Variants in IDO2 observed in about 807,000 individuals in gnomAD.
IDO2 encodes indoleamine 2,3-dioxygenase-like 1 protein.
IDO2 carries 46 observed loss-of-function variants against 45.1 expected under a neutral mutation model. The observed-to-expected ratio is 1.02, with a 90% CI of 0.80 to 1.30. IDO2 has a LOEUF of 1.30. Among genes scored for constraint, IDO2 ranks in the 50% most tolerant of loss-of-function variants. IDO2 has a pLI of 0.00. For synonymous variants in IDO2, 218 were observed against 184.9 expected, an observed-to-expected ratio of 1.18 and a Z score of -1.45; for missense variants, 544 against 491.8, an observed-to-expected ratio of 1.11 and a Z score of -1.00.
intron 3 of IDO2, among the ~76,000 whole-genome samples, chr8:39,971,911 C>G (rs1808185418): frequency 6.6e-6 from 1 of 152,030 alleles, no homozygotes; most frequent in African/African-American, 2.4e-5. Context: ...CTGGTTCAAG[C>G]AAGTCTCCTG....
chr8:39,966,782 C>T (rs1351768456), intron 3 of IDO2, among the ~76,000 whole-genome samples: 2 of 152,172 alleles, frequency 1.3e-5, no homozygotes, highest in African/African-American at 4.8e-5. Flanking sequence ...CCATATTAGA[C>T]ACTAATCTTA....
chr8:39,938,659 G>A (rs923182857), intron 1 of IDO2, among the ~76,000 whole-genome samples: 3 of 152,050 alleles, frequency 2.0e-5, no homozygotes, highest in African/African-American at 7.2e-5. Context: ...ACAAGCCACA[G>A]ACTGGGAGAA....
At chr8:39,994,659 CAGCCTGAATCTGGGAAATTGTTCCTACG>C (rs1802003187) in intron 8 of IDO2, among the ~76,000 whole-genome samples, 5 of 46,394 alleles carry the variant, frequency 1.1e-4, no homozygotes, top group African/African-American at 2.9e-4. Context: ...TGTCTCGGTT[CAGCCTGAATCTGGGAAATTGTTCCTACG>C]GTTCAGCCTG....
chr8:39,986,308 T>C (rs1808421501), intron 6 of IDO2: 1 of 152,240 alleles, frequency 6.6e-6, no homozygotes, highest in Admixed American at 6.5e-5. Flanking sequence ...AAAACAAAAA[T>C]AGCCTCTGAT....
Position 39,960,402 on chromosome 8 carries a change from T to A in IDO2, c.100-3206T>A, listed in dbSNP as rs1010034105. On this transcript the variant is annotated intron_variant, in intron 2 of 10. Transcript: ENST00000502986. ...TTTGCTTCTTCCAGTCCTTTGCTCC[T>A]TCTGCATTCTGTTACTCTCCTCTCT... 5.9e-5 allele frequency among the ~76,000 whole-genome samples: 9 copies of A among 152,226 alleles called. No homozygotes were observed. The South Asian group carries it at 1.7e-3, about 28-fold the overall frequency.
chr8:40,013,664 G>A (rs898550660), exon 10 of IDO2: 7 of 1,613,756 alleles, frequency 4.3e-6, no homozygotes, highest in Middle Eastern at 1.6e-4. Flanking sequence ...AGAGCACAGT[G>A]CTTCATGCCT....
intron 9 of IDO2, among the ~76,000 whole-genome samples, chr8:40,006,552 A>T (rs963309513): frequency 6.6e-6 from 1 of 152,202 alleles, no homozygotes; most frequent in African/African-American, 2.4e-5. Context: ...GGAACAAACT[A>T]AAACACTACC....
intron 8 of IDO2, among the ~76,000 whole-genome samples, chr8:39,996,402 G>A (rs1802047494): frequency 6.6e-6 from 1 of 152,214 alleles, no homozygotes; most frequent in African/African-American, 2.4e-5. Flanking sequence ...GCCAAACAGA[G>A]AAGGGTCCCC....
At chr8:39,975,189 G>A (rs866063824) in intron 3 of IDO2, among the ~76,000 whole-genome samples, 3 of 147,924 alleles carry the variant, frequency 2.0e-5, no homozygotes, top group South Asian at 2.1e-4. Flanking sequence ...TTTTTGTGAC[G>A]GAGTCTCACT....
At chr8:39,943,794 C>T (rs1385400983) in intron 1 of IDO2, among the ~76,000 whole-genome samples, 1 of 144,808 alleles carries the variant, frequency 6.9e-6, no homozygotes, top group Non-Finnish European at 1.5e-5. Flanking sequence ...GAATGGTGAA[C>T]AGTTGAATGC....
chr8:39,982,537 TG>T (rs1247028707), intron 4 of IDO2, 114 bp from the exon 5 acceptor site: 6 of 660,694 alleles, frequency 9.1e-6, no homozygotes, highest in Non-Finnish European at 1.5e-5. Flanking sequence ...AATTCAAGCT[TG>T]GTTCCCAGAT....
chr8:40,015,420 A>G (rs776333086), exon 11 of IDO2: 1 of 1,613,944 alleles, frequency 6.2e-7, no homozygotes, highest in South Asian at 1.1e-5. Flanking sequence ...GAGCTATCAC[A>G]TCACCATGGT....
chr8:39,975,156 G>A (rs933249140), intron 3 of IDO2, among the ~76,000 whole-genome samples: 6 of 120,300 alleles, frequency 5.0e-5, no homozygotes, highest in African/African-American at 1.5e-4. Context: ...GCACAACATT[G>A]GAGTTTTTTT....
intron 4 of IDO2, among the ~76,000 whole-genome samples, chr8:39,981,931 G>C: frequency 6.6e-6 from 1 of 152,070 alleles, no homozygotes; most frequent in East Asian, 1.9e-4. Flanking sequence ...AAAGGTTGAA[G>C]GGGGTCTGTC....
chr8:39,958,375 A>C (rs140949310), intron 2 of IDO2, among the ~76,000 whole-genome samples: 1 of 151,506 alleles, frequency 6.6e-6, no homozygotes, highest in East Asian at 2.0e-4. Context: ...CTGGGGTTAC[A>C]GATGCCTGCT....
chr8:39,963,419 A>T (rs544403807), intron 2 of IDO2, among the ~76,000 whole-genome samples, 189 bp from the exon 3 acceptor site: 1 of 152,332 alleles, frequency 6.6e-6, no homozygotes, highest in East Asian at 1.9e-4. Context: ...CGTACTAGGC[A>T]ATATGCTCCT....
intron 8 of IDO2, among the ~76,000 whole-genome samples, chr8:39,995,590 C>G (rs550601025): frequency 2.6e-5 from 4 of 152,102 alleles, no homozygotes; most frequent in Admixed American, 6.6e-5. Flanking sequence ...AGGCAAGAGA[C>G]AGAGGGCACG....
chr8:39,992,604 A>G (rs1801956054), intron 8 of IDO2, among the ~76,000 whole-genome samples: 1 of 152,172 alleles, frequency 6.6e-6, no homozygotes, highest in African/African-American at 2.4e-5. Context: ...AAAAATAGTA[A>G]CAAACACTAG....
intron 8 of IDO2, among the ~76,000 whole-genome samples, chr8:40,000,057 T>A (rs1802110214): frequency 6.6e-6 from 1 of 152,212 alleles, no homozygotes; most frequent in Non-Finnish European, 1.5e-5. Flanking sequence ...AAGACAATTT[T>A]TTAAAGACTT....
Sources: gnomAD v4.1 joint callset for allele counts (sites outside exome capture counted in the v4.1 genomes callset) on GRCh38, gnomAD v4.1.1 for gene constraint, MANE v1.5 for transcripts, NCBI Gene and HGNC (gene_info 2026-07-23, HGNC 2026-07-21) for gene names.